Variants in CENPF observed in about 807,000 individuals in gnomAD.
The protein encoded by CENPF is AH antigen.
A neutral mutation model predicts 307.3 loss-of-function variants in CENPF; 214 were observed. That is an observed-to-expected ratio of 0.70 (90% confidence interval 0.62 to 0.78). The LOEUF is 0.78. Ranked by LOEUF, CENPF falls within the 30% of genes least tolerant of loss-of-function variation. The probability of loss-of-function intolerance (pLI) is 0.00; values close to 1 mark genes in which losing one functional copy is unlikely to be tolerated. For missense variants in CENPF, 3,401 were observed against 3,483.9 expected, an observed-to-expected ratio of 0.98 and a Z score of 0.60; for synonymous variants, 1,259 against 1,270.6, an observed-to-expected ratio of 0.99 and a Z score of 0.19.
intron 10 of CENPF, among the ~76,000 whole-genome samples, chr1:214,637,241 TA>T (rs1263070267): frequency 6.6e-6 from 1 of 152,246 alleles, no homozygotes; most frequent in Non-Finnish European, 1.5e-5. Flanking sequence ...TATTGTGTAT[TA>T]AATGATTAGT....
intron 1 of CENPF, chr1:214,603,701 C>T (rs933580876): frequency 6.6e-6 from 1 of 152,134 alleles, no homozygotes; most frequent in African/African-American, 2.4e-5. Context: ...GAAATTCAGG[C>T]CCTGGTCCTT....
intron 5 of CENPF, 110 bp downstream of exon 5, chr1:214,619,330 G>T (rs79890895): frequency 0.035 from 20,507 of 581,056 alleles, 465 homozygotes; most frequent in Middle Eastern, 0.1. Context: ...GCCTTTTTGT[G>T]TGTGTGTGTG....
At chr1:214,660,816 G>A (rs1027206220) in intron 19 of CENPF, among the ~76,000 whole-genome samples, 5 of 152,130 alleles carry the variant, frequency 3.3e-5, no homozygotes, top group Non-Finnish European at 5.9e-5. Flanking sequence ...TTAAATATCT[G>A]TCTTCTGATT....
intron 7 of CENPF, among the ~76,000 whole-genome samples, chr1:214,624,778 A>G (rs1402294332): frequency 6.6e-6 from 1 of 152,152 alleles, no homozygotes; most frequent in East Asian, 1.9e-4. Context: ...ATATTGCTCA[A>G]AAAAATGTCA....
intron 1 of CENPF, among the ~76,000 whole-genome samples, chr1:214,609,725 C>T (rs552642036): frequency 6.6e-6 from 1 of 152,256 alleles, no homozygotes; most frequent in East Asian, 1.9e-4. Context: ...TTTTCTTCTG[C>T]TCTTCCTCCT....
rs747158340 is a variant in CENPF at position 214,664,081 on chromosome 1, A to T, written c.*287A>T. Reference sequence around the variant, plus strand: ...ATATGTTACAATTAAAATGACAAGCACTATATCACAATCTCTGTTTGTATG... The same window carrying T: ...ATATGTTACAATTAAAATGACAAGCTCTATATCACAATCTCTGTTTGTATG... On this transcript the variant is annotated 3_prime_UTR_variant, in exon 20 of 20. Transcript: ENST00000366955. The T allele has an allele frequency of 3.8e-6, 1 of 263,704 alleles. No individual in the cohort carries two copies. The highest frequency in any genetic ancestry group is 7.1e-6 in the Non-Finnish European group (1 of 140,596). The allele number at this position is 263,704 out of a possible 1,614,324, so 16.3% of individuals were successfully genotyped here.
intron 3 of CENPF, among the ~76,000 whole-genome samples, chr1:214,617,800 C>T (rs1451585362): frequency 6.6e-6 from 1 of 152,154 alleles, no homozygotes; most frequent in Non-Finnish European, 1.5e-5. Flanking sequence ...ACTTTCTTCC[C>T]ATGTTTCTGA....
Position 214,640,089 on chromosome 1 carries a change from TTAA to T in CENPF, c.1753_1755del (p.Asn585del). ...AAAAGAGAACATCACATTGAACAAC[TTAA>T]TGATAAGTTAAGCAAGACAGAGAAA... On this transcript the variant is annotated inframe_deletion, in exon 12 of 20. Coordinates refer to ENST00000366955, the MANE Select transcript of CENPF (RefSeq NM_016343.4). 6.3e-7 allele frequency: 1 copy of T among 1,594,430 alleles called. No individual in the cohort carries two copies. The highest frequency in any genetic ancestry group is 1.7e-4 in the Middle Eastern group (1 of 5,920).
chr1:214,610,914 A>G (rs945058548), intron 1 of CENPF, among the ~76,000 whole-genome samples: 1 of 151,900 alleles, frequency 6.6e-6, no homozygotes, highest in African/African-American at 2.4e-5. Context: ...CTAGCCAGCT[A>G]TCTCATCATT....
Position 214,645,092 on chromosome 1 carries a change from ATT to A in CENPF, c.5524_5525del (p.Leu1842LysfsTer2). On this transcript the variant is annotated frameshift_variant, in exon 13 of 20. Coordinates refer to ENST00000366955, the MANE Select transcript of CENPF (RefSeq NM_016343.4). LOFTEE classifies it high-confidence loss of function. ...GGGGAACTTAAGAAAGAAAACTCAGATTTAAGTGAAAAATTGGAATATTTTTC... is the reference window on the plus strand; with the variant it reads ...GGGGAACTTAAGAAAGAAAACTCAGATAAGTGAAAAATTGGAATATTTTTC... 1 of 1,613,116 alleles carries A rather than the reference ATT, an allele frequency of 6.2e-7. No homozygotes were observed. The highest frequency in any genetic ancestry group is 8.5e-7 in the Non-Finnish European group (1 of 1,179,814).
At position 214,656,951 on chromosome 1, in the gene CENPF, A is replaced by C. The variant is rs749349705; in HGVS notation, c.8504A>C (p.Lys2835Thr). Residue 2835 changes from lysine (K) to threonine (T), a missense_variant, in exon 18 of 20, where the codon AAG becomes ACG. Physicochemically the swap from Lys to Thr is moderately conservative, Grantham distance 78 (BLOSUM62 -1). Transcript: ENST00000366955. ...TGGACAGGTACTGTTATGGATACCA[A>C]GGTCGATGAATTAACAACTGAGATC... is the stretch of plus-strand genomic sequence containing the variant. ...KQKTGTVMDT[K>T]VDELTTEIKE... is the part of the protein sequence containing the mutation. The C allele has an allele frequency of 1.9e-6, 3 of 1,608,164 alleles. No individual in the cohort carries two copies. In the African/African-American group the frequency reaches 4.0e-5, roughly 22 times the overall value.
chr1:214,647,952 C>G (rs1658358617), intron 13 of CENPF: 2 of 499,616 alleles, frequency 4.0e-6, no homozygotes, highest in South Asian at 2.9e-5. Flanking sequence ...TTTGTGCAGT[C>G]TTCTATTGTA....
chr1:214,646,687 A>C lies in CENPF; in HGVS notation c.7117A>C (p.Ile2373Leu). ...KGEVETLKAK[I>L]EGMTQSLRGL... The stretch of plus-strand genomic sequence containing the variant: ...AGAGGTAGAGACCCTAAAAGCAAAA[A>C]TAGAAGGGATGACCCAAAGTCTGAG... The change falls in exon 13 of 20, where the codon ATA becomes CTA. Residue 2373 changes from isoleucine (I) to leucine (L), a missense_variant. Transcript: ENST00000366955. 1 of 1,614,058 alleles carries C rather than the reference A, an allele frequency of 6.2e-7. No homozygotes were observed. The highest frequency in any genetic ancestry group is 1.3e-5 in the African/African-American group (1 of 75,050).
chr1:214,615,148 G>A, intron 3 of CENPF, 120 bp downstream of exon 3: 2 of 589,420 alleles, frequency 3.4e-6, no homozygotes, highest in Non-Finnish European at 5.8e-6. Flanking sequence ...GGTAGAATAA[G>A]TAATGATTCG....
intron 16 of CENPF, chr1:214,653,441 T>C (rs1319788855): frequency 6.5e-6 from 1 of 154,758 alleles, no homozygotes; most frequent in African/African-American, 2.4e-5. Flanking sequence ...TATTCTCCTC[T>C]TCCTCTTCAC....
At chr1:214,662,986 C>T (rs886437453) in intron 19 of CENPF, among the ~76,000 whole-genome samples, 4 of 152,138 alleles carry the variant, frequency 2.6e-5, no homozygotes, top group African/African-American at 9.7e-5. Flanking sequence ...CTTACTCTCT[C>T]ATCTACTTAA....
chr1:214,609,183 G>T (rs1176581904), intron 1 of CENPF, among the ~76,000 whole-genome samples: 1 of 151,992 alleles, frequency 6.6e-6, no homozygotes, highest in Non-Finnish European at 1.5e-5. Flanking sequence ...CTCCTGCATC[G>T]CCACCGCCGC....
chr1:214,633,625 T>C (rs555090322), intron 10 of CENPF, among the ~76,000 whole-genome samples: 1 of 152,362 alleles, frequency 6.6e-6, no homozygotes, highest in Admixed American at 6.5e-5. Context: ...TTGCAGAGTG[T>C]ATCATGATGG....
At chr1:214,610,219 T>C (rs543284134) in intron 1 of CENPF, among the ~76,000 whole-genome samples, 162 of 152,308 alleles carry the variant, frequency 1.1e-3, no homozygotes, top group Non-Finnish European at 1.5e-3. Context: ...AGGAATGAGA[T>C]TGCTGGGTTG....
Sources: gnomAD v4.1 joint callset for allele counts (sites outside exome capture counted in the v4.1 genomes callset) on GRCh38, gnomAD v4.1.1 for gene constraint, MANE v1.5 for transcripts, NCBI Gene and HGNC (gene_info 2026-07-23, HGNC 2026-07-21) for gene names.